The following ZNF783 variants were observed in gnomAD, a reference collection of about 807,000 sequenced individuals.
ZNF783 encodes the protein zinc finger protein 783.
ZNF783 carries 25 observed loss-of-function variants against 31.3 expected under a neutral mutation model. That is an observed-to-expected ratio of 0.80 (90% CI 0.58 to 1.11). ZNF783 has a LOEUF of 1.11. Among genes scored for constraint, ZNF783 ranks in the 50% most tolerant of loss-of-function variants. The probability of loss-of-function intolerance (pLI) is 0.00; values close to 1 mark genes in which losing one functional copy is unlikely to be tolerated. For missense variants in ZNF783, 797 were observed against 760.0 expected, an observed-to-expected ratio of 1.05 and a Z score of -0.57; for synonymous variants, 369 against 319.1, an observed-to-expected ratio of 1.16 and a Z score of -1.66.
intron 4 of ZNF783, among the ~76,000 whole-genome samples, chr7:149,272,597 C>G (rs560014618): frequency 2.0e-5 from 3 of 151,808 alleles, no homozygotes; most frequent in African/African-American, 7.2e-5. Context: ...CTATTTTAAT[C>G]TCTAATTTTT....
Position 149,262,213 on chromosome 7 carries a change from C to T in ZNF783, c.-121C>T, listed in dbSNP as rs1043097687. Reference sequence around the variant, plus strand: ...CGTGGCTCGGGACGCAGTTCGCTGCCGCCCGGCAGTAGCTCTCAGGTTAGG... The same window carrying T: ...CGTGGCTCGGGACGCAGTTCGCTGCTGCCCGGCAGTAGCTCTCAGGTTAGG... On this transcript the variant is annotated 5_prime_UTR_variant, in exon 1 of 6. Coordinates refer to ENST00000434415, the MANE Select transcript of ZNF783 (RefSeq NM_001195220.2). 2.0e-5 allele frequency: 19 copies of T among 931,282 alleles called. No individual in the cohort carries two copies. In the African/African-American group the frequency reaches 2.3e-4, roughly 11 times the overall value. 57.7% of individuals were successfully genotyped at this position (931,282 alleles called of 1,614,324 possible). A position where few individuals can be genotyped will look rare whatever the true frequency, so the allele number is the denominator to read the frequency against.
chr7:149,271,742 C>T (rs1797215924), intron 4 of ZNF783, among the ~76,000 whole-genome samples: 1 of 152,170 alleles, frequency 6.6e-6, no homozygotes, highest in African/African-American at 2.4e-5. Flanking sequence ...TGATTCCTTT[C>T]TTATTTATAC....
rs1193064312 is a variant in ZNF783 at position 149,262,325 on chromosome 7, C to A, written c.-9C>A. The A allele has an allele frequency of 1.5e-6, 2 of 1,354,282 alleles. No individual in the cohort carries two copies. Among genetic ancestry groups the A allele is most frequent in the Non-Finnish European group, 1.9e-6 (2 of 1,048,528 alleles). 83.9% of individuals were successfully genotyped at this position (1,354,282 alleles called of 1,614,324 possible). A position where few individuals can be genotyped will look rare whatever the true frequency, so the allele number is the denominator to read the frequency against. On this transcript the variant is annotated 5_prime_UTR_variant, in exon 1 of 6. Transcript: ENST00000434415. ...AGGGACTGCAACCCAGCGAGGGACGCGGGCAGCCATGGCCGAAGCGGCGCC... is the reference window on the plus strand; with the variant it reads ...AGGGACTGCAACCCAGCGAGGGACGAGGGCAGCCATGGCCGAAGCGGCGCC...
intron 1 of ZNF783, among the ~76,000 whole-genome samples, chr7:149,264,858 G>C (rs1260035195): frequency 7.4e-6 from 1 of 134,406 alleles, no homozygotes; most frequent in Non-Finnish European, 1.5e-5. Flanking sequence ...GGGCGACAGA[G>C]CAAGACTCCG....
At chr7:149,264,963 G>C (rs146903602) in intron 1 of ZNF783, among the ~76,000 whole-genome samples, 1 of 133,144 alleles carries the variant, frequency 7.5e-6, no homozygotes, top group African/African-American at 3.4e-5. Flanking sequence ...GGCTGGAAGT[G>C]GGGGAGAAGG....
Position 149,282,396 on chromosome 7 carries a change from C to T in ZNF783, c.*53C>T, listed in dbSNP as rs887614573. ...GGCGGGGTCTCTCCCCTGTGCCTGACGCAGGTTCTTCCTTTTCCTGGGATG... is the reference window on the plus strand; with the variant it reads ...GGCGGGGTCTCTCCCCTGTGCCTGATGCAGGTTCTTCCTTTTCCTGGGATG... On this transcript the variant is annotated 3_prime_UTR_variant, in exon 6 of 6. Transcript: ENST00000434415. 1.5e-6 allele frequency: 2 copies of T among 1,365,514 alleles called. No homozygotes were observed. Among genetic ancestry groups the T allele is most frequent in the Admixed American group, 2.9e-5 (1 of 34,314 alleles). The allele number at this position is 1,365,514 out of a possible 1,614,324, so 84.6% of individuals were successfully genotyped here. A position where few individuals can be genotyped will look rare whatever the true frequency, so the allele number is the denominator to read the frequency against.
rs778911232 is a variant in ZNF783 at position 149,267,182 on chromosome 7, G to T, written c.633G>T (p.Gly211=). 4.4e-6 allele frequency: 7 copies of T among 1,598,988 alleles called. No homozygotes were observed. The highest frequency in any genetic ancestry group is 5.9e-6 in the Non-Finnish European group (7 of 1,179,594). Residue 211 remains glycine, a synonymous_variant, in exon 4 of 6, where the codon GGG becomes GGT. Coordinates refer to ENST00000434415, the MANE Select transcript of ZNF783 (RefSeq NM_001195220.2). ...PCLDRWGQEK[G]NEVEVGRPRM... is the part of the protein sequence containing the mutation. Reference sequence around the variant, plus strand: ...TTGACCGGTGGGGCCAGGAGAAGGGGAATGAAGTAGAGGTGGGACGTCCAA... The same window carrying T: ...TTGACCGGTGGGGCCAGGAGAAGGGTAATGAAGTAGAGGTGGGACGTCCAA...
chr7:149,276,569 G>T, intron 4 of ZNF783: 2 of 985,402 alleles, frequency 2.0e-6, no homozygotes, highest in African/African-American at 1.7e-5. Flanking sequence ...TTTACCTTTT[G>T]ATAACCTTCT....
rs1797089448 is a variant in ZNF783, at chr7:149,266,958, A to G, written c.547+13A>G. 1 of 1,613,898 alleles carries G rather than the reference A, an allele frequency of 6.2e-7. No homozygotes were observed. Among genetic ancestry groups the G allele is most frequent in the Non-Finnish European group, 8.5e-7 (1 of 1,179,988 alleles). ...CTGGTCTCCCTGGGTAAGGCCACGG[A>G]GGGAGGATCTGGGCCTCTGTCCACA... is the stretch of plus-strand genomic sequence containing the variant. On this transcript the variant is annotated intron_variant, in intron 3 of 5. Transcript: ENST00000434415.
intron 5 of ZNF783, 22 bp from the exon 6 acceptor site, chr7:149,281,483 C>T: frequency 7.0e-7 from 1 of 1,426,552 alleles, no homozygotes; most frequent in South Asian, 1.6e-5. Context: ...CACTTGGAAA[C>T]CAACATAGAC....
At position 149,266,729 on chromosome 7, in the gene ZNF783, A is replaced by C; in HGVS notation, c.419A>C (p.Lys140Thr). ...CCGGGCAGCAAGGGGGAGGCCCCCAAGGTAGCACCGGGACACCCTGGGGTG... is the reference window on the plus strand; with the variant it reads ...CCGGGCAGCAAGGGGGAGGCCCCCACGGTAGCACCGGGACACCCTGGGGTG... ...LPPGSKGEAP[K>T]VPVTFDDVAV... The change falls in exon 2 of 6, where the codon AAG becomes ACG. Residue 140 changes from lysine (K) to threonine (T), a missense_variant and splice_region_variant. By Grantham distance (78) the Lys-to-Thr change is moderately conservative. Transcript: ENST00000434415. The C allele has an allele frequency of 1.2e-6, 2 of 1,613,720 alleles. No individual in the cohort carries two copies. The highest frequency in any genetic ancestry group is 1.7e-6 in the Non-Finnish European group (2 of 1,179,802).
chr7:149,272,023 A>AT (rs1465515481), intron 4 of ZNF783, among the ~76,000 whole-genome samples: 2 of 151,854 alleles, frequency 1.3e-5, no homozygotes, highest in Non-Finnish European at 2.9e-5. Context: ...TTTTAAATTT[A>AT]TTTTTTGTGA....
At chr7:149,275,940 A>G (rs7791855) in intron 4 of ZNF783, 17,944 of 152,100 alleles carry the variant, frequency 0.12, 1,262 homozygotes, top group African/African-American at 0.19. Flanking sequence ...TGTCACTCAG[A>G]CTGGAGTCGT....
At chr7:149,275,344 GCT>G (rs1445295616) in intron 4 of ZNF783, among the ~76,000 whole-genome samples, 2 of 148,756 alleles carry the variant, frequency 1.3e-5, no homozygotes, top group African/African-American at 2.5e-5. Context: ...ACGGAGTTTC[GCT>G]CTGTTGCCTA....
intron 1 of ZNF783, among the ~76,000 whole-genome samples, chr7:149,263,352 C>A (rs1796990836): frequency 6.7e-6 from 1 of 149,330 alleles, no homozygotes; most frequent in African/African-American, 2.5e-5. Context: ...GTCTCACTCT[C>A]ACCCAGGGTG....
chr7:149,266,945 G>C lies in ZNF783; in HGVS notation c.547G>C (p.Asp183His). The C allele has an allele frequency of 6.2e-7, 1 of 1,614,086 alleles. No homozygotes were observed. Among genetic ancestry groups the C allele is most frequent in the Non-Finnish European group, 8.5e-7 (1 of 1,180,014 alleles). Residue 183 changes from aspartate to histidine, a missense_variant and splice_region_variant, in exon 3 of 6, where the codon GAT (aspartate) becomes CAT (histidine). Coordinates refer to ENST00000434415, the MANE Select transcript of ZNF783 (RefSeq NM_001195220.2). Reference protein sequence around the residue: ...RGNYETLVSLDYAISKPDILT... With the variant: ...RGNYETLVSLHYAISKPDILT... ...CAACTACGAGACGCTGGTCTCCCTGGGTAAGGCCACGGAGGGAGGATCTGG... is the reference window on the plus strand; with the variant it reads ...CAACTACGAGACGCTGGTCTCCCTGCGTAAGGCCACGGAGGGAGGATCTGG...
intron 4 of ZNF783, chr7:149,277,291 TG>T (rs1322944236): frequency 6.6e-6 from 1 of 152,266 alleles, no homozygotes. Context: ...CCTTCTGATC[TG>T]ATGCCCATCC....
intron 4 of ZNF783, among the ~76,000 whole-genome samples, chr7:149,268,528 G>A (rs1797140488): frequency 6.6e-6 from 1 of 152,132 alleles, no homozygotes; most frequent in African/African-American, 2.4e-5. Context: ...TACACCTGCG[G>A]GTTTGTTACA....
chr7:149,268,491 T>A (rs1443783543), intron 4 of ZNF783, among the ~76,000 whole-genome samples: 1 of 152,192 alleles, frequency 6.6e-6, no homozygotes, highest in Non-Finnish European at 1.5e-5. Flanking sequence ...TTAAAAAAAA[T>A]TTCAACTTTT....
Sources: allele counts gnomAD v4.1 joint callset (sites outside exome capture counted in the v4.1 genomes callset), GRCh38; gene constraint gnomAD v4.1.1; transcripts MANE v1.5; gene names NCBI Gene and HGNC (gene_info 2026-07-23, HGNC 2026-07-21).